COL4A1: variants seen among roughly 807,000 people sequenced by gnomAD.
COL4A1 encodes collagen type IV alpha 1 chain.
A neutral mutation model predicts 216.6 loss-of-function variants in COL4A1; 40 were observed. That is an observed-to-expected ratio of 0.18 (90% CI 0.14 to 0.24). COL4A1 has a LOEUF of 0.24. Ranked by LOEUF, COL4A1 falls within the 10% of genes least tolerant of loss-of-function variation. The pLI, the probability that COL4A1 is intolerant of heterozygous loss-of-function variation, is 1.00. For missense variants in COL4A1, 1,628 were observed against 2,196.8 expected (o/e 0.74, Z 5.18); for synonymous variants, 839 against 810.7 (o/e 1.03, Z -0.59).
At chr13:110,209,573 C>T (rs1230916352) in intron 10 of COL4A1, 146 bp from the exon 11 acceptor site, 5 of 700,918 alleles carry the variant, frequency 7.1e-6, no homozygotes, top group Non-Finnish European at 1.2e-5. Context: ...CCTCCCTCCC[C>T]ACTCCTAGCA....
At chr13:110,179,750 C>T (rs1045402939) in intron 29 of COL4A1, among the ~76,000 whole-genome samples, 4 of 152,178 alleles carry the variant, frequency 2.6e-5, no homozygotes, top group Non-Finnish European at 4.4e-5. Context: ...TGTGACAAAG[C>T]ACTGGCCCTG....
chr13:110,233,804 A>G (rs1881176482), intron 2 of COL4A1, among the ~76,000 whole-genome samples: 1 of 152,226 alleles, frequency 6.6e-6, no homozygotes, highest in African/African-American at 2.4e-5. Flanking sequence ...CAAAAGCTAC[A>G]AACACTACCT....
intron 2 of COL4A1, among the ~76,000 whole-genome samples, chr13:110,216,947 T>C (rs1278421072): frequency 6.6e-6 from 1 of 152,204 alleles, no homozygotes; most frequent in Non-Finnish European, 1.5e-5. Context: ...CAAGAACACA[T>C]TCTTTCCCAA....
intron 1 of COL4A1, among the ~76,000 whole-genome samples, chr13:110,296,860 A>G (rs1884296552): frequency 6.6e-6 from 1 of 152,202 alleles, no homozygotes; most frequent in South Asian, 2.1e-4. Flanking sequence ...GGAAACCCTT[A>G]TGTTTACTGA....
intron 17 of COL4A1, among the ~76,000 whole-genome samples, 198 bp from the exon 18 acceptor site, chr13:110,203,805 C>T (rs1879358972): frequency 6.6e-6 from 1 of 152,144 alleles, no homozygotes; most frequent in African/African-American, 2.4e-5. Flanking sequence ...ACACGCATGA[C>T]ACATGAAAAT....
chr13:110,271,911 T>C (rs1883258039), intron 1 of COL4A1, among the ~76,000 whole-genome samples: 3 of 152,246 alleles, frequency 2.0e-5, no homozygotes, highest in Non-Finnish European at 4.4e-5. Context: ...TTTCAAAATT[T>C]AAGAATTTTA....
Position 110,207,327 on chromosome 13 carries a change from G to T in COL4A1, c.780+76C>A. 2 of 1,284,490 alleles carry T rather than the reference G, an allele frequency of 1.6e-6. No individual in the cohort carries two copies. Among genetic ancestry groups the T allele is most frequent in the South Asian group, 1.2e-5 (1 of 84,034 alleles). The allele number at this position is 1,284,490 out of a possible 1,614,324, so 79.6% of individuals were successfully genotyped here. The stretch of plus-strand genomic sequence containing the variant: ...AATGTAGCTGGAAAAACTGAGTTTT[G>T]ACCCATTTTCTCTTTATCTTTTGGA... On this transcript the variant is annotated intron_variant, in intron 13 of 51. Transcript: ENST00000375820. This position sits in a 1 kb window ranked among gnomAD's most constrained non-coding sequence, Gnocchi z 4.4.
chr13:110,267,832 T>C (rs1266201295), intron 1 of COL4A1, among the ~76,000 whole-genome samples: 4 of 152,128 alleles, frequency 2.6e-5, no homozygotes, highest in Admixed American at 1.3e-4. Flanking sequence ...CTGTATAACA[T>C]TGAGGGCAAT....
rs505050 is a variant in COL4A1 at position 110,194,880 on chromosome 13, G to T, written c.1381+143C>A. On this transcript the variant is annotated intron_variant, in intron 22 of 51. Coordinates refer to ENST00000375820, the MANE Select transcript of COL4A1 (RefSeq NM_001845.6). ...TTCCGGAAGATGCTTATTCTAGGAA[G>T]AGATTGTGAAGAGGGTTCCAAATAA... The T allele has an allele frequency of 0.75, 532,160 of 714,006 alleles. 199,365 individuals carry two copies. Among genetic ancestry groups the T allele is most frequent in the Middle Eastern group, 0.82 (2,894 of 3,540 alleles). 44.2% of individuals were successfully genotyped at this position (714,006 alleles called of 1,614,324 possible). A position where few individuals can be genotyped will look rare whatever the true frequency, so the allele number is the denominator to read the frequency against.
intron 2 of COL4A1, among the ~76,000 whole-genome samples, chr13:110,234,226 T>C (rs542042918): frequency 2.0e-5 from 3 of 152,140 alleles, no homozygotes; most frequent in Non-Finnish European, 4.4e-5. Context: ...GAACTTACAC[T>C]AGAATCAAGG....
At chr13:110,174,867 T>C in intron 37 of COL4A1, 118 bp from the exon 38 acceptor site, 1 of 1,033,488 alleles carries the variant, frequency 9.7e-7, no homozygotes, top group South Asian at 1.3e-5. Context: ...CAAAACTCCA[T>C]TTCCAGATTT....
At chr13:110,182,619 C>T (rs12866570) in intron 28 of COL4A1, among the ~76,000 whole-genome samples, 14,613 of 152,212 alleles carry the variant, frequency 0.096, 944 homozygotes, top group Admixed American at 0.18. Flanking sequence ...CCCCTCCCTG[C>T]GACTCCTTGC....
intron 19 of COL4A1, 88 bp downstream of exon 19, chr13:110,201,350 A>AGGAAGAGAAGGAGGG (rs1879216829): frequency 1.1e-5 from 9 of 840,454 alleles, no homozygotes; most frequent in African/African-American, 7.8e-5. Context: ...GAACAGGAGG[A>AGGAAGAGAAGGAGGG]GGAGGAGGAA....
At chr13:110,259,886 T>C (rs1351061227) in intron 1 of COL4A1, among the ~76,000 whole-genome samples, 1 of 151,548 alleles carries the variant, frequency 6.6e-6, no homozygotes, top group Non-Finnish European at 1.5e-5. Context: ...ATGCATGGCA[T>C]AGTAGGGCCA....
intron 2 of COL4A1, among the ~76,000 whole-genome samples, chr13:110,227,944 C>T (rs938319459): frequency 6.6e-6 from 1 of 152,230 alleles, no homozygotes; most frequent in Admixed American, 6.5e-5. Flanking sequence ...TTCCTGGTCC[C>T]TGCGGTCCCT....
chr13:110,264,394 G>A lies in COL4A1; in HGVS notation c.85-21660C>T, dbSNP rs541031981. Among the ~76,000 whole-genome samples the A allele has an allele frequency of 5.3e-5, 8 of 152,134 alleles. No individual in the cohort carries two copies. The South Asian group carries it at 1.5e-3, about 28-fold the overall frequency. ...GGTTCCCTCTTAAAACTCAAACTTG[G>A]CAACCACCCTCCTAACCCCTACCTG... On this transcript the variant is annotated intron_variant, in intron 1 of 51. Coordinates refer to ENST00000375820, the MANE Select transcript of COL4A1 (RefSeq NM_001845.6).
At chr13:110,236,669 G>A (rs1054283339) in intron 2 of COL4A1, among the ~76,000 whole-genome samples, 3 of 152,110 alleles carry the variant, frequency 2.0e-5, no homozygotes, top group Admixed American at 2.0e-4. Flanking sequence ...ACAGAGGAAG[G>A]AGCTCCTTGT....
intron 49 of COL4A1, among the ~76,000 whole-genome samples, chr13:110,158,739 C>CTTTTTTTTTTT (rs556230875): frequency 9.4e-6 from 1 of 105,846 alleles, no homozygotes; most frequent in African/African-American, 3.6e-5. Context: ...AAGAAATAAA[C>CTTTTTTTTTTT]TTTTTTTTTT....
At chr13:110,168,959 A>G (rs9521629) in intron 43 of COL4A1, among the ~76,000 whole-genome samples, 79,340 of 151,998 alleles carry the variant, frequency 0.52, 20,901 homozygotes, top group African/African-American at 0.54. Context: ...AGCCATGGAC[A>G]TGGTTAAGCT....
Sources: gnomAD v4.1 joint callset for allele counts (sites outside exome capture counted in the v4.1 genomes callset) on GRCh38, gnomAD v4.1.1 for gene constraint, Gnocchi (gnomAD v3.1) non-coding constraint, MANE v1.5 for transcripts, NCBI Gene and HGNC (gene_info 2026-07-23, HGNC 2026-07-21) for gene names.